Variants in CCNB3 observed in about 807,000 individuals in gnomAD.
CCNB3 encodes G2/mitotic-specific cyclin-B3.
In CCNB3, 12 loss-of-function variants were observed where a neutral mutation model predicts 68.0. That is an observed-to-expected ratio of 0.18 (90% CI 0.11 to 0.29). The LOEUF (loss-of-function observed/expected upper bound fraction) is 0.29, where lower values mean the gene tolerates loss of function less well. CCNB3 is among the 10% of genes least tolerant of loss of function. The pLI is 1.00. For synonymous variants in CCNB3, 354 were observed against 388.9 expected, an observed-to-expected ratio of 0.91 and a Z score of 1.06; for missense variants, 904 against 993.1, an observed-to-expected ratio of 0.91 and a Z score of 1.21.
intron 1 of CCNB3, among the ~76,000 whole-genome samples, chrX:50,284,253 C>T (rs1217096607): frequency 9.0e-6 from 1 of 111,417 alleles, no homozygotes; most frequent in Non-Finnish European, 1.9e-5. Flanking sequence ...TTTGCCCTCA[C>T]ATCTGCATAA....
chrX:50,210,806 G>A (rs1190683661), intron 1 of CCNB3, among the ~76,000 whole-genome samples: 12 of 111,257 alleles, frequency 1.1e-4, no homozygotes, highest in Non-Finnish European at 2.1e-4. Context: ...AGAGCTTTTT[G>A]CCTTACATAT....
At chrX:50,226,652 T>C (rs1236623922) in intron 1 of CCNB3, among the ~76,000 whole-genome samples, 17 of 81,227 alleles carry the variant, frequency 2.1e-4, no homozygotes, top group East Asian at 7.0e-4. Flanking sequence ...ATATATAGAA[T>C]ATATCTATAA....
chrX:50,335,632 T>A (rs1922811190), intron 8 of CCNB3, among the ~76,000 whole-genome samples: 1 of 112,062 alleles, frequency 8.9e-6, no homozygotes, highest in Non-Finnish European at 1.9e-5. Flanking sequence ...AGGGTCTTGG[T>A]TGACCACCAG....
chrX:50,345,810 C>T (rs1306400484), intron 9 of CCNB3, among the ~76,000 whole-genome samples: 1 of 112,091 alleles, frequency 8.9e-6, no homozygotes, highest in Admixed American at 9.4e-5. Flanking sequence ...ACTAGCTTGC[C>T]GTGTGAACCT....
intron 1 of CCNB3, among the ~76,000 whole-genome samples, chrX:50,226,305 GA>G (rs1935791765): frequency 6.1e-5 from 1 of 16,516 alleles, no homozygotes; most frequent in African/African-American, 1.5e-4. Flanking sequence ...TATATATATA[GA>G]AATATATAAA....
chrX:50,297,139 T>A (rs1280495798), intron 5 of CCNB3, among the ~76,000 whole-genome samples: 12 of 111,748 alleles, frequency 1.1e-4, no homozygotes, highest in African/African-American at 3.9e-4. Context: ...TTTAATTAGA[T>A]CCCATTTGTC....
At chrX:50,288,101 C>G in intron 3 of CCNB3, among the ~76,000 whole-genome samples, 1 of 107,267 alleles carries the variant, frequency 9.3e-6, no homozygotes, top group Non-Finnish European at 1.9e-5. Flanking sequence ...CCCACTGATT[C>G]TACATTATGG....
chrX:50,227,777 G>C (rs1310812656), intron 1 of CCNB3, among the ~76,000 whole-genome samples: 5 of 59,293 alleles, frequency 8.4e-5, no homozygotes, highest in Non-Finnish European at 1.5e-4. Flanking sequence ...TATATATAGA[G>C]AATATATATA....
At chrX:50,318,221 A>G (rs1330791727) in intron 8 of CCNB3, among the ~76,000 whole-genome samples, 2 of 109,778 alleles carry the variant, frequency 1.8e-5, no homozygotes, top group Non-Finnish European at 1.9e-5. Context: ...CTTAAAAAAA[A>G]AAAAAAAACT....
Position 50,308,582 on chromosome X carries a change from A to G in CCNB3, c.413A>G (p.Asp138Gly), listed in dbSNP as rs1272362915. 2.5e-6 allele frequency: 3 copies of G among 1,207,773 alleles called. No homozygotes were observed. The highest frequency in any genetic ancestry group is 3.4e-6 in the Non-Finnish European group (3 of 893,522). ...PNIMEKPLIL[D>G]ISTTSKTPNT... ...ATTATGGAGAAACCACTCATTCTAG[A>G]CATATCCACCACCTCCAAAACACCC... Residue 138 changes from aspartate to glycine, a missense_variant, in exon 6 of 13, where the codon GAC (aspartate) becomes GGC (glycine). By Grantham distance (94) the Asp-to-Gly change is moderately conservative. This residue lies in a region of CCNB3 where 619 missense variants were observed against 609.8 expected (regional missense o/e 1.02). Coordinates refer to ENST00000376042, the MANE Select transcript of CCNB3 (RefSeq NM_033031.3).
intron 4 of CCNB3, among the ~76,000 whole-genome samples, chrX:50,290,821 C>T (rs782540100): frequency 1.2e-3 from 130 of 111,428 alleles, no homozygotes; most frequent in Non-Finnish European, 1.5e-3. Context: ...GCCCATTTAC[C>T]GTTTGCGCTC....
In CCNB3 at chrX:50,308,656, G is replaced by A; in HGVS notation, c.487G>A (p.Glu163Lys). The change falls in exon 6 of 13, where the codon GAA becomes AAA. Residue 163 changes from glutamate (E) to lysine (K), a missense_variant. Glu to Lys is a moderately conservative substitution (Grantham distance 56). Transcript: ENST00000376042. ...CAGAAAGCCATTAGTTTTAAAGGAG[G>A]AACCCACTATTGAGGATGAAACCCT... Reference protein sequence around the residue: ...LFRKPLVLKEEPTIEDETLIN... With the variant: ...LFRKPLVLKEKPTIEDETLIN... The A allele has an allele frequency of 1.7e-6, 2 of 1,210,556 alleles. No individual in the cohort carries two copies. Among genetic ancestry groups the A allele is most frequent in the Non-Finnish European group, 2.2e-6 (2 of 894,774 alleles).
intron 1 of CCNB3, among the ~76,000 whole-genome samples, chrX:50,207,665 T>C (rs1264294868): frequency 8.9e-6 from 1 of 111,973 alleles, no homozygotes; most frequent in Non-Finnish European, 1.9e-5. Context: ...CCACTGAATC[T>C]ATCCTTGCCA....
intron 3 of CCNB3, among the ~76,000 whole-genome samples, chrX:50,286,230 C>T (rs2041452184): frequency 8.9e-6 from 1 of 112,196 alleles, no homozygotes; most frequent in African/African-American, 3.2e-5. Flanking sequence ...TTATCATCAG[C>T]TAGATGAAAG....
At chrX:50,313,998 C>A in intron 8 of CCNB3, 50 bp downstream of exon 8, 1 of 936,534 alleles carries the variant, frequency 1.1e-6, no homozygotes, top group Non-Finnish European at 1.5e-6. Context: ...CTTTCTCATT[C>A]AGGGCTGCCA....
rs1923416836 is a variant in CCNB3 at position 50,346,640 on chromosome X, C to G, written c.3655-12C>G. On this transcript the variant is annotated splice_polypyrimidine_tract_variant and intron_variant, in intron 9 of 12. Transcript: ENST00000376042. ...CTGTCTGGTTGTCACCTCCTCTCCT[C>G]TCCACCCATAGGAGCACAACTCACC... 4 of 1,201,581 alleles carry G rather than the reference C, an allele frequency of 3.3e-6. No individual in the cohort carries two copies. Among genetic ancestry groups the G allele is most frequent in the Non-Finnish European group, 4.5e-6 (4 of 890,160 alleles).
intron 1 of CCNB3, among the ~76,000 whole-genome samples, chrX:50,227,634 C>CAT (rs1450412518): frequency 1.1e-4 from 1 of 9,119 alleles, no homozygotes; most frequent in Non-Finnish European, 2.1e-4. Context: ...AGAGAGAATA[C>CAT]ATATATATAG....
At chrX:50,341,137 G>T (rs1385137944) in intron 8 of CCNB3, among the ~76,000 whole-genome samples, 1 of 109,769 alleles carries the variant, frequency 9.1e-6, no homozygotes, top group African/African-American at 3.3e-5. Flanking sequence ...AGACCATCCT[G>T]GTTAACACGA....
intron 8 of CCNB3, among the ~76,000 whole-genome samples, chrX:50,321,633 T>G (rs1922022973): frequency 9.0e-6 from 1 of 111,660 alleles, no homozygotes; most frequent in Non-Finnish European, 1.9e-5. Context: ...AGTAGTATAC[T>G]GTTTTTATTA....
Sources: allele counts gnomAD v4.1 joint callset (sites outside exome capture counted in the v4.1 genomes callset), GRCh38; gene constraint gnomAD v4.1.1; regional missense constraint gnomAD v4.1.1; transcripts MANE v1.5; gene names NCBI Gene and HGNC (gene_info 2026-07-23, HGNC 2026-07-21).